EYA4: variants seen among roughly 807,000 people sequenced by gnomAD.
The protein encoded by EYA4 is protein phosphatase EYA4.
A neutral mutation model predicts 87.9 loss-of-function variants in EYA4; 31 were observed. That is an observed-to-expected ratio of 0.35 (90% CI 0.27 to 0.48). EYA4 has a LOEUF of 0.48. EYA4 is among the 20% of genes least tolerant of loss of function. The probability of loss-of-function intolerance (pLI) is 0.99; values close to 1 mark genes in which losing one functional copy is unlikely to be tolerated. For synonymous variants in EYA4, 263 were observed against 270.6 expected, an observed-to-expected ratio of 0.97 and a Z score of 0.28; for missense variants, 678 against 761.4, an observed-to-expected ratio of 0.89 and a Z score of 1.29.
Position 133,356,057 on chromosome 6 carries a change from AAGAGAGAG to A in EYA4, c.34-26319_34-26312del, listed in dbSNP as rs35204258. On this transcript the variant is annotated intron_variant, in intron 2 of 19. Transcript: ENST00000355286. ...AGAGAGAGAAAGAGAGAAAGAGAGA[AAGAGAGAG>A]AGAGAGAGAGAGAGAAAAGAGTGTG... 1.9e-3 allele frequency among the ~76,000 whole-genome samples: 256 copies of A among 135,768 alleles called. 1 individual carries two copies. The highest frequency in any genetic ancestry group is 7.0e-3 in the African/African-American group (244 of 35,060). 89.1% of individuals were successfully genotyped at this position (135,768 alleles called of 152,430 possible).
intron 14 of EYA4, among the ~76,000 whole-genome samples, chr6:133,506,937 T>C (rs1435138719): frequency 1.3e-5 from 2 of 152,208 alleles, no homozygotes; most frequent in Non-Finnish European, 2.9e-5. Flanking sequence ...GTTCAGGTTC[T>C]TGGCAGAAGT....
intron 2 of EYA4, among the ~76,000 whole-genome samples, chr6:133,376,988 T>C (rs1785747142): frequency 6.6e-6 from 1 of 151,992 alleles, no homozygotes; most frequent in South Asian, 2.1e-4. Flanking sequence ...ACCAGTCCTC[T>C]CTACTCCTTT....
chr6:133,522,726 G>A (rs1039191688), intron 17 of EYA4, among the ~76,000 whole-genome samples: 1 of 152,160 alleles, frequency 6.6e-6, no homozygotes, highest in Admixed American at 6.5e-5. Flanking sequence ...ACCACATCTC[G>A]AAACTTTAAA....
chr6:133,470,077 A>G (rs536426344), intron 11 of EYA4, among the ~76,000 whole-genome samples: 5 of 151,020 alleles, frequency 3.3e-5, no homozygotes, highest in Non-Finnish European at 5.9e-5. Flanking sequence ...TTTGCTGTGC[A>G]GAAGCTCTTT....
At chr6:133,459,255 T>G (rs1794169271) in intron 6 of EYA4, among the ~76,000 whole-genome samples, 1 of 152,176 alleles carries the variant, frequency 6.6e-6, no homozygotes, top group Non-Finnish European at 1.5e-5. Flanking sequence ...TAGAAATTTG[T>G]AAAGGTTAGT....
chr6:133,331,477 T>C (rs1781955404), intron 2 of EYA4, among the ~76,000 whole-genome samples: 1 of 152,206 alleles, frequency 6.6e-6, no homozygotes, highest in Non-Finnish European at 1.5e-5. Context: ...AATTCATCAT[T>C]TAATTAAATT....
chr6:133,438,596 T>C (rs1484160814), intron 3 of EYA4, among the ~76,000 whole-genome samples: 1 of 151,980 alleles, frequency 6.6e-6, no homozygotes, highest in Non-Finnish European at 1.5e-5. Context: ...GGACGCTTAC[T>C]GTACTTTAAT....
chr6:133,273,870 A>G (rs1303403466), intron 1 of EYA4, among the ~76,000 whole-genome samples: 1 of 151,584 alleles, frequency 6.6e-6, no homozygotes, highest in Non-Finnish European at 1.5e-5. Context: ...GTATTTCTAG[A>G]TTTTTCTGTG....
At chr6:133,252,863 T>C (rs1415031555) in intron 1 of EYA4, among the ~76,000 whole-genome samples, 1 of 151,978 alleles carries the variant, frequency 6.6e-6, no homozygotes, top group Non-Finnish European at 1.5e-5. Flanking sequence ...TAGATAATCA[T>C]GGAAGCAGTC....
chr6:133,250,637 A>T (rs1413835919), intron 1 of EYA4, among the ~76,000 whole-genome samples: 6 of 152,074 alleles, frequency 3.9e-5, no homozygotes, highest in African/African-American at 1.4e-4. Context: ...GTGAGACTCC[A>T]TCTCAAAAAT....
intron 3 of EYA4, among the ~76,000 whole-genome samples, chr6:133,403,700 C>T (rs1163733395): frequency 1.3e-5 from 2 of 152,170 alleles, no homozygotes; most frequent in Non-Finnish European, 2.9e-5. Flanking sequence ...TCATAGTCTT[C>T]TATTTGCACA....
At chr6:133,255,184 A>G (rs1775238786) in intron 1 of EYA4, among the ~76,000 whole-genome samples, 1 of 152,352 alleles carries the variant, frequency 6.6e-6, no homozygotes, top group South Asian at 2.1e-4. Flanking sequence ...ATATCTTGGA[A>G]TAAAATGCTG....
chr6:133,283,101 C>A (rs1777759079), intron 2 of EYA4, among the ~76,000 whole-genome samples: 4 of 152,132 alleles, frequency 2.6e-5, no homozygotes, highest in Admixed American at 2.0e-4. Context: ...CGAGACCAGC[C>A]TGGCCAACAT....
intron 17 of EYA4, among the ~76,000 whole-genome samples, chr6:133,516,150 A>C (rs1187318374): frequency 6.6e-6 from 1 of 152,110 alleles, no homozygotes; most frequent in East Asian, 1.9e-4. Flanking sequence ...TAGGTGAATA[A>C]ATAAAAGCAT....
At chr6:133,276,133 T>G (rs1211240880) in intron 2 of EYA4, among the ~76,000 whole-genome samples, 1 of 152,232 alleles carries the variant, frequency 6.6e-6, no homozygotes. Flanking sequence ...TAGTAAATGT[T>G]GACAACATCT....
At chr6:133,365,424 A>G (rs1455201802) in intron 2 of EYA4, among the ~76,000 whole-genome samples, 1 of 152,160 alleles carries the variant, frequency 6.6e-6, no homozygotes, top group Non-Finnish European at 1.5e-5. Context: ...ATTTTAATTT[A>G]TGGAGGTGAC....
chr6:133,432,690 C>CT (rs1043256060), intron 3 of EYA4, among the ~76,000 whole-genome samples: 22 of 151,068 alleles, frequency 1.5e-4, no homozygotes, highest in African/African-American at 3.4e-4. Context: ...GCATGTTCGT[C>CT]TTTTTTTTTC....
At chr6:133,373,911 T>C (rs530982965) in intron 2 of EYA4, among the ~76,000 whole-genome samples, 62 of 152,108 alleles carry the variant, frequency 4.1e-4, no homozygotes, top group Non-Finnish European at 8.5e-4. Flanking sequence ...TGTTAAAGCA[T>C]ATTATGGTTC....
intron 2 of EYA4, among the ~76,000 whole-genome samples, chr6:133,331,989 C>T (rs10155794): frequency 0.048 from 7,357 of 152,248 alleles, 511 homozygotes; most frequent in African/African-American, 0.15. Context: ...TCACTGCCTC[C>T]GACCAGGGTT....
Sources: gnomAD v4.1 joint callset for allele counts (sites outside exome capture counted in the v4.1 genomes callset) on GRCh38, gnomAD v4.1.1 for gene constraint, MANE v1.5 for transcripts, NCBI Gene and HGNC (gene_info 2026-07-23, HGNC 2026-07-21) for gene names.